The following ANO2 variants were observed in gnomAD, a reference collection of about 807,000 sequenced individuals.
The protein encoded by ANO2 is anoctamin-2.
In ANO2, 101 loss-of-function variants were observed where a neutral mutation model predicts 124.2. The ratio of observed to expected loss-of-function variants is 0.81; its 90% confidence interval spans 0.69 to 0.96. The LOEUF is 0.96. ANO2 is among the 40% of genes least tolerant of loss of function. The pLI is 0.00. For missense variants in ANO2, 1,293 were observed against 1,274.5 expected (o/e 1.01, Z -0.22); for synonymous variants, 486 against 482.5 (o/e 1.01, Z -0.09).
At chr12:5,716,400 C>T (rs546570512) in intron 14 of ANO2, among the ~76,000 whole-genome samples, 30 of 152,238 alleles carry the variant, frequency 2.0e-4, no homozygotes, top group Middle Eastern at 3.4e-3. Context: ...GTTGTCAGCA[C>T]GCTGTTTCAT....
At position 5,588,650 on chromosome 12, in the gene ANO2, T is replaced by C. The variant is rs557741124; in HGVS notation, c.2234-10132A>G. ...TGAAAAATGATGACCTGCACTTCCATTTGTGTATGCTGAAACGTCCCTTCC... is the reference window on the plus strand; with the variant it reads ...TGAAAAATGATGACCTGCACTTCCACTTGTGTATGCTGAAACGTCCCTTCC... On this transcript the variant is annotated intron_variant, in intron 20 of 24. Transcript: ENST00000682330. Among the ~76,000 whole-genome samples the C allele has an allele frequency of 7.2e-5, 11 of 152,290 alleles. No homozygotes were observed. In the East Asian group the frequency reaches 1.9e-3, roughly 27 times the overall value.
chr12:5,894,205 A>C (rs1330648418), intron 3 of ANO2, among the ~76,000 whole-genome samples: 2 of 152,142 alleles, frequency 1.3e-5, no homozygotes, highest in East Asian at 1.9e-4. Context: ...ATGGTATCTC[A>C]TTGTGGTTTT....
intron 3 of ANO2, among the ~76,000 whole-genome samples, chr12:5,909,336 T>C (rs188384485): frequency 5.6e-4 from 85 of 152,278 alleles, no homozygotes; most frequent in Non-Finnish European, 9.1e-4. Flanking sequence ...AACTGTAAAT[T>C]GAGAAAACTA....
At chr12:5,794,375 GCCAAGTTCTTGATCTCA>G (rs1952784650) in intron 10 of ANO2, among the ~76,000 whole-genome samples, 1 of 152,204 alleles carries the variant, frequency 6.6e-6, no homozygotes, top group Non-Finnish European at 1.5e-5. Flanking sequence ...AGGTCTGCAA[GCCAAGTTCTTGATCTCA>G]CCACTCCCAG....
chr12:5,809,392 G>A (rs1433886399), intron 7 of ANO2, among the ~76,000 whole-genome samples: 1 of 152,070 alleles, frequency 6.6e-6, no homozygotes, highest in Admixed American at 6.6e-5. Flanking sequence ...TAAGGCCCCA[G>A]CTAGACCGCA....
At chr12:5,587,909 A>G (rs962321579) in intron 20 of ANO2, among the ~76,000 whole-genome samples, 1 of 152,066 alleles carries the variant, frequency 6.6e-6, no homozygotes, top group Non-Finnish European at 1.5e-5. Context: ...TTCCAGTTCA[A>G]TTTAGAAAAA....
chr12:5,732,364 C>T, intron 14 of ANO2, 156 bp downstream of exon 14: 1 of 608,396 alleles, frequency 1.6e-6, no homozygotes, highest in South Asian at 2.2e-5. Flanking sequence ...TGATCTCTGG[C>T]TGCAGGACAA....
intron 12 of ANO2, among the ~76,000 whole-genome samples, chr12:5,742,750 T>C (rs1340806168): frequency 1.3e-5 from 2 of 152,166 alleles, no homozygotes; most frequent in Non-Finnish European, 2.9e-5. Context: ...AATGAATACG[T>C]ATTCTGGGTT....
At chr12:5,840,708 G>A (rs536617565) in intron 4 of ANO2, among the ~76,000 whole-genome samples, 1 of 152,318 alleles carries the variant, frequency 6.6e-6, no homozygotes, top group African/African-American at 2.4e-5. Flanking sequence ...TCACCCAGGA[G>A]GAATGCAGAC....
At chr12:5,852,354 T>C (rs1954937991) in intron 4 of ANO2, among the ~76,000 whole-genome samples, 1 of 152,168 alleles carries the variant, frequency 6.6e-6, no homozygotes, top group South Asian at 2.1e-4. Flanking sequence ...ACTAAGACAC[T>C]TCAGGCATGT....
chr12:5,945,740 T>TACTAGGTGGAG (rs1444679156), upstream of ANO2, among the ~76,000 whole-genome samples: 1 of 152,196 alleles, frequency 6.6e-6, no homozygotes, highest in African/African-American at 2.4e-5. Context: ...CCTGTCTCCA[T>TACTAGGTGGAG]ACTAGGTGGA....
At chr12:5,619,394 A>C (rs761158329) in intron 16 of ANO2, among the ~76,000 whole-genome samples, 3 of 152,228 alleles carry the variant, frequency 2.0e-5, no homozygotes, top group Non-Finnish European at 4.4e-5. Flanking sequence ...TTATTGCAGG[A>C]AGAATAACGC....
intron 14 of ANO2, among the ~76,000 whole-genome samples, chr12:5,694,573 C>T (rs764592530): frequency 1.3e-5 from 2 of 152,162 alleles, no homozygotes; most frequent in South Asian, 2.1e-4. Flanking sequence ...TTCCCCCTCT[C>T]GGCCTCAGTT....
At chr12:5,931,503 G>A (rs946010179) in intron 1 of ANO2, among the ~76,000 whole-genome samples, 2 of 150,722 alleles carry the variant, frequency 1.3e-5, no homozygotes, top group South Asian at 4.3e-4. Context: ...GAAGGCAGAC[G>A]AGTGAGGAAA....
Position 5,635,147 on chromosome 12 carries a change from A to G in ANO2, c.1816+5T>C. The G allele has an allele frequency of 1.3e-6, 2 of 1,567,320 alleles. No individual in the cohort carries two copies. Among genetic ancestry groups the G allele is most frequent in the Non-Finnish European group, 1.7e-6 (2 of 1,161,334 alleles). ...GGACAGCCAGAAGTCTCGGTGACAC[A>G]GTACCAATTTTGGTGAGCCACTTGG... On this transcript the variant is annotated splice_donor_5th_base_variant and intron_variant, in intron 16 of 24. Coordinates refer to ENST00000682330, the MANE Select transcript of ANO2 (RefSeq NM_001364791.2). The surrounding 1 kb of genome is among the most constrained non-coding windows in gnomAD (Gnocchi z 5.2).
intron 16 of ANO2, among the ~76,000 whole-genome samples, chr12:5,617,080 G>A (rs750815156): frequency 7.0e-5 from 10 of 142,462 alleles, no homozygotes; most frequent in Admixed American, 1.4e-4. Flanking sequence ...ACACCGTACC[G>A]CACTCTCCAG....
At chr12:5,918,843 G>A (rs1941529509) in intron 3 of ANO2, among the ~76,000 whole-genome samples, 1 of 152,158 alleles carries the variant, frequency 6.6e-6, no homozygotes, top group South Asian at 2.1e-4. Flanking sequence ...CACCTATTAT[G>A]TACCAGACAT....
intron 4 of ANO2, among the ~76,000 whole-genome samples, chr12:5,843,889 A>G (rs557704976): frequency 1.3e-5 from 2 of 152,326 alleles, no homozygotes; most frequent in African/African-American, 4.8e-5. Flanking sequence ...TGCAGGGAAC[A>G]CGTAAGAGAT....
rs530578452 is a variant in ANO2, at chr12:5,878,740, G to A, written c.535-24599C>T. Among the ~76,000 whole-genome samples, 6 of 152,298 alleles carry A rather than the reference G, an allele frequency of 3.9e-5. No individual in the cohort carries two copies. The South Asian group carries it at 1.2e-3, about 32-fold the overall frequency. On this transcript the variant is annotated intron_variant, in intron 3 of 24. Transcript: ENST00000682330. ...CACACTGATTTACACAGCATTTTAT[G>A]TGGCCATACAAACTTGCTGGAAACA...
Sources: gnomAD v4.1 joint callset for allele counts (sites outside exome capture counted in the v4.1 genomes callset) on GRCh38, gnomAD v4.1.1 for gene constraint, Gnocchi (gnomAD v3.1) non-coding constraint, MANE v1.5 for transcripts, NCBI Gene and HGNC (gene_info 2026-07-23, HGNC 2026-07-21) for gene names.